Variants in DLG2 observed in about 807,000 individuals in gnomAD.
DLG2 encodes discs large MAGUK scaffold protein 2, also known as disks large homolog 2.
In DLG2, 45 loss-of-function variants were observed where a neutral mutation model predicts 132.5. The observed-to-expected ratio is 0.34, with a 90% CI of 0.27 to 0.44. The LOEUF (loss-of-function observed/expected upper bound fraction) is 0.44, where lower values mean the gene tolerates loss of function less well. DLG2 is among the 20% of genes least tolerant of loss of function. The pLI is 1.00. For missense variants in DLG2, 1,045 were observed against 1,196.9 expected (o/e 0.87, Z 1.87); for synonymous variants, 424 against 419.6 (o/e 1.01, Z -0.13).
intron 9 of DLG2, 106 bp from the exon 10 acceptor site, chr11:84,099,153 C>T (rs1451891330): frequency 9.6e-7 from 1 of 1,042,560 alleles, no homozygotes; most frequent in South Asian, 1.5e-5. Flanking sequence ...AATCAGGTGA[C>T]AACAGTCTTG....
chr11:84,559,597 G>A (rs1023456170), intron 6 of DLG2, among the ~76,000 whole-genome samples: 3 of 151,926 alleles, frequency 2.0e-5, no homozygotes, highest in Non-Finnish European at 4.4e-5. Context: ...TCTCCATCCA[G>A]AGCTACGAGA....
chr11:84,525,012 C>G (rs574383611), intron 7 of DLG2, among the ~76,000 whole-genome samples: 12 of 152,138 alleles, frequency 7.9e-5, no homozygotes, highest in Non-Finnish European at 1.6e-4. Flanking sequence ...ATAGAAGCTC[C>G]AAGCTACTAA....
chr11:83,636,640 A>G (rs1340149097), intron 18 of DLG2, among the ~76,000 whole-genome samples: 1 of 152,136 alleles, frequency 6.6e-6, no homozygotes, highest in Non-Finnish European at 1.5e-5. Context: ...CTGACACTTC[A>G]TCTATATACA....
At chr11:85,140,643 C>T (rs1428130242) in intron 5 of DLG2, among the ~76,000 whole-genome samples, 2 of 151,254 alleles carry the variant, frequency 1.3e-5, no homozygotes, top group Admixed American at 6.6e-5. Context: ...CTATAGTCAC[C>T]CTGTTGTGTT....
intron 8 of DLG2, among the ~76,000 whole-genome samples, chr11:84,166,500 CAA>C (rs398016937): frequency 1.4e-4 from 11 of 81,018 alleles, no homozygotes; most frequent in Admixed American, 8.4e-4. Context: ...GACTCTGCTT[CAA>C]AAAAAAAAAA....
intron 12 of DLG2, 100 bp from the exon 13 acceptor site, chr11:83,965,568 C>T (rs574875901): frequency 1.1e-5 from 11 of 959,412 alleles, no homozygotes; most frequent in African/African-American, 6.6e-5. Context: ...GTGATAATTA[C>T]TGTCCAGTAT....
intron 8 of DLG2, among the ~76,000 whole-genome samples, chr11:84,179,800 T>G (rs1207998581): frequency 1.3e-5 from 2 of 152,060 alleles, no homozygotes; most frequent in Non-Finnish European, 2.9e-5. Flanking sequence ...CCAGACCCTC[T>G]AGCCATCCTG....
At chr11:85,414,840 A>G (rs950956237) in intron 3 of DLG2, among the ~76,000 whole-genome samples, 1 of 151,808 alleles carries the variant, frequency 6.6e-6, no homozygotes. Flanking sequence ...GCATTTTATC[A>G]TTATATAATG....
intron 4 of DLG2, among the ~76,000 whole-genome samples, chr11:85,235,112 T>G (rs1565195772): frequency 6.6e-6 from 1 of 152,126 alleles, no homozygotes; most frequent in African/African-American, 2.4e-5. Context: ...ATGGATTAAT[T>G]TCAAAATCAA....
rs186186154 is a variant in DLG2, at chr11:85,120,340, G to A, written c.283-8605C>T. The stretch of plus-strand genomic sequence containing the variant: ...ATTAGATATGTTCTCAGTTTAAACA[G>A]AACTTTAGATTTCTAAGTAAATTAT... On this transcript the variant is annotated intron_variant, in intron 5 of 27. Transcript: ENST00000376104. 1.1e-4 allele frequency among the ~76,000 whole-genome samples: 17 copies of A among 152,138 alleles called. No individual in the cohort carries two copies. The East Asian group carries it at 2.9e-3, about 26-fold the overall frequency.
chr11:84,944,979 AT>A (rs1443671766), intron 6 of DLG2, among the ~76,000 whole-genome samples: 1 of 152,146 alleles, frequency 6.6e-6, no homozygotes, highest in Non-Finnish European at 1.5e-5. Context: ...CAAAACAGCT[AT>A]TTTGAATTCT....
chr11:84,156,316 C>T (rs1322345726), intron 9 of DLG2, among the ~76,000 whole-genome samples: 1 of 152,106 alleles, frequency 6.6e-6, no homozygotes, highest in African/African-American at 2.4e-5. Flanking sequence ...ATACATTTTC[C>T]ATGTATGAAA....
intron 3 of DLG2, among the ~76,000 whole-genome samples, chr11:85,571,767 C>G (rs1284804467): frequency 6.6e-6 from 1 of 152,256 alleles, no homozygotes. Flanking sequence ...TCTATTGCAT[C>G]CAATGAAAGC....
intron 11 of DLG2, among the ~76,000 whole-genome samples, chr11:84,047,707 T>C (rs1452137328): frequency 4.0e-5 from 6 of 151,666 alleles, no homozygotes; most frequent in Non-Finnish European, 7.4e-5. Context: ...ATTGATCATA[T>C]ATTCTGTTAA....
At position 85,483,193 on chromosome 11, in the gene DLG2, G is replaced by A. The variant is rs528366228; in HGVS notation, c.40+115464C>T. 6.3e-4 allele frequency among the ~76,000 whole-genome samples: 96 copies of A among 152,262 alleles called. No homozygotes were observed. The East Asian group carries it at 8.3e-3, about 13-fold the overall frequency. On this transcript the variant is annotated intron_variant, in intron 3 of 27. Coordinates refer to ENST00000376104, the MANE Select transcript of DLG2 (RefSeq NM_001142699.3). ...CCTATTAGCAAGAGAAAATTAGCAC[G>A]AGGATCCTTATTAGTGAGAGAAAAT...
At chr11:84,804,321 AAAATGCCAAGTGCT>A (rs1009655271) in intron 6 of DLG2, among the ~76,000 whole-genome samples, 5 of 152,362 alleles carry the variant, frequency 3.3e-5, no homozygotes, top group Admixed American at 6.5e-5. Flanking sequence ...ATTCCAGAAC[AAAATGCCAAGTGCT>A]AAATGCCAAG....
chr11:84,549,436 A>G (rs1211646954), intron 6 of DLG2, among the ~76,000 whole-genome samples: 1 of 152,222 alleles, frequency 6.6e-6, no homozygotes, highest in Non-Finnish European at 1.5e-5. Context: ...ACTAAAAGCT[A>G]GAAACATGTT....
At chr11:83,928,367 G>T (rs898480180) in intron 15 of DLG2, among the ~76,000 whole-genome samples, 2 of 151,996 alleles carry the variant, frequency 1.3e-5, no homozygotes, top group African/African-American at 4.8e-5. Context: ...ATATCTGGCA[G>T]GTGCACATAG....
At chr11:85,144,497 C>A (rs2076713608) in intron 5 of DLG2, among the ~76,000 whole-genome samples, 1 of 150,704 alleles carries the variant, frequency 6.6e-6, no homozygotes, top group South Asian at 2.1e-4. Context: ...TCTTCTCTTC[C>A]CTCCTTCCTT....
Sources: gnomAD v4.1 joint callset for allele counts (sites outside exome capture counted in the v4.1 genomes callset) on GRCh38, gnomAD v4.1.1 for gene constraint, MANE v1.5 for transcripts, NCBI Gene and HGNC (gene_info 2026-07-23, HGNC 2026-07-21) for gene names.